CTNNA2: variants seen among roughly 807,000 people sequenced by gnomAD.
The protein encoded by CTNNA2 is catenin alpha 2.
A neutral mutation model predicts 101.0 loss-of-function variants in CTNNA2; 42 were observed. That is an observed-to-expected ratio of 0.42 (90% CI 0.32 to 0.54). The LOEUF (loss-of-function observed/expected upper bound fraction) is 0.54. Ranked by LOEUF, CTNNA2 falls within the 20% of genes least tolerant of loss-of-function variation. The pLI, the probability that CTNNA2 is intolerant of heterozygous loss-of-function variation, is 0.14. For synonymous variants in CTNNA2, 450 were observed against 456.4 expected, an observed-to-expected ratio of 0.99 and a Z score of 0.18; for missense variants, 871 against 1,223.1, an observed-to-expected ratio of 0.71 and a Z score of 4.29.
chr2:80,383,287 C>T (rs1280629991), intron 7 of CTNNA2, among the ~76,000 whole-genome samples: 4 of 152,116 alleles, frequency 2.6e-5, no homozygotes, highest in Non-Finnish European at 5.9e-5. Context: ...TTTAGGACTC[C>T]ATATTTTCCA....
At chr2:80,108,304 G>A (rs1292601281) in intron 7 of CTNNA2, among the ~76,000 whole-genome samples, 1 of 152,192 alleles carries the variant, frequency 6.6e-6, no homozygotes, top group Non-Finnish European at 1.5e-5. Flanking sequence ...TCCTTATGCA[G>A]CAAGTATGTA....
At chr2:80,048,384 A>G (rs2104317261) in intron 7 of CTNNA2, among the ~76,000 whole-genome samples, 1 of 152,340 alleles carries the variant, frequency 6.6e-6, no homozygotes, top group Admixed American at 6.5e-5. Flanking sequence ...TAGAAAGGAA[A>G]GTGCATTTAA....
intron 7 of CTNNA2, among the ~76,000 whole-genome samples, chr2:80,165,000 A>C (rs58479771): frequency 0.26 from 38,432 of 149,462 alleles, 7,662 homozygotes; most frequent in African/African-American, 0.55. Flanking sequence ...GGAAGTGTAA[A>C]AGTGGTGTGC....
chr2:80,459,758 T>G (rs1342607011), intron 9 of CTNNA2, among the ~76,000 whole-genome samples: 1 of 152,146 alleles, frequency 6.6e-6, no homozygotes, highest in African/African-American at 2.4e-5. Flanking sequence ...CATCAAAATC[T>G]GTCTTGGAGA....
intron 7 of CTNNA2, among the ~76,000 whole-genome samples, chr2:80,001,345 C>T (rs1229189340): frequency 6.6e-6 from 1 of 152,114 alleles, no homozygotes; most frequent in Non-Finnish European, 1.5e-5. Context: ...TCATGATATC[C>T]AGGCTTATCA....
intron 1 of CTNNA2, among the ~76,000 whole-genome samples, chr2:79,529,642 C>T (rs1016319062): frequency 1.1e-4 from 17 of 151,600 alleles, no homozygotes; most frequent in African/African-American, 4.1e-4. Flanking sequence ...AGAGAGGAAT[C>T]GTATGAGGGT....
intron 16 of CTNNA2, 91 bp downstream of exon 16, chr2:80,604,270 G>A (rs1252360144): frequency 8.6e-6 from 8 of 930,778 alleles, no homozygotes; most frequent in African/African-American, 6.6e-5. Flanking sequence ...CCTATAAAAT[G>A]CCTCTGAAGA....
chr2:80,133,224 C>T (rs1315102171), intron 7 of CTNNA2, among the ~76,000 whole-genome samples: 2 of 152,098 alleles, frequency 1.3e-5, no homozygotes, highest in African/African-American at 2.4e-5. Context: ...CAAGGAACAA[C>T]TGGGGCTACC....
intron 7 of CTNNA2, among the ~76,000 whole-genome samples, chr2:80,224,171 A>T (rs528260509): frequency 6.6e-6 from 1 of 152,240 alleles, no homozygotes; most frequent in Non-Finnish European, 1.5e-5. Context: ...ATACAGAAAG[A>T]AGGACACTCT....
At chr2:80,461,959 C>G (rs975420588) in intron 9 of CTNNA2, among the ~76,000 whole-genome samples, 9 of 152,202 alleles carry the variant, frequency 5.9e-5, no homozygotes, top group African/African-American at 1.9e-4. Context: ...GCTCAGCCCC[C>G]TGGGGATCTG....
intron 4 of CTNNA2, among the ~76,000 whole-genome samples, chr2:79,466,518 T>C (rs574981948): frequency 6.6e-6 from 1 of 152,254 alleles, no homozygotes; most frequent in Admixed American, 6.5e-5. Context: ...TCTGACAGCT[T>C]TGAAGAGAGT....
In CTNNA2 at chr2:79,834,837, T is replaced by C. The variant is rs528273126; in HGVS notation, c.299-23176T>C. The stretch of plus-strand genomic sequence containing the variant: ...GCTAAATGTTTAAAAATGTTGCTTT[T>C]ACATTTAAGTCTTTATCTTTGACTT... On this transcript the variant is annotated intron_variant, in intron 3 of 18. Coordinates refer to ENST00000402739, the MANE Select transcript of CTNNA2 (RefSeq NM_001282597.3). Among the ~76,000 whole-genome samples, 5 of 152,272 alleles carry C rather than the reference T, an allele frequency of 3.3e-5. No individual in the cohort carries two copies. The East Asian group carries it at 9.6e-4, about 29-fold the overall frequency.
At chr2:79,962,421 G>A (rs1290737603) in intron 7 of CTNNA2, among the ~76,000 whole-genome samples, 1 of 152,230 alleles carries the variant, frequency 6.6e-6, no homozygotes, top group African/African-American at 2.4e-5. Context: ...TGGGGATGAG[G>A]TTTTAACATA....
At chr2:79,729,455 G>C (rs937370336) in intron 2 of CTNNA2, among the ~76,000 whole-genome samples, 2 of 152,032 alleles carry the variant, frequency 1.3e-5, no homozygotes, top group Non-Finnish European at 2.9e-5. Flanking sequence ...CCCCTGACCC[G>C]TGCTGCTTCC....
chr2:79,589,088 C>T (rs553170288), intron 1 of CTNNA2, among the ~76,000 whole-genome samples: 1 of 152,314 alleles, frequency 6.6e-6, no homozygotes, highest in South Asian at 2.1e-4. Context: ...ATTAGCTGTA[C>T]ACTTTCACCT....
At chr2:79,518,196 T>A (rs1671906271) in intron 1 of CTNNA2, among the ~76,000 whole-genome samples, 1 of 152,236 alleles carries the variant, frequency 6.6e-6, no homozygotes, top group South Asian at 2.1e-4. Flanking sequence ...TTTTTCAGTA[T>A]GTTGCTACTT....
chr2:79,946,643 A>G (rs1450361236), intron 7 of CTNNA2, among the ~76,000 whole-genome samples: 2 of 152,212 alleles, frequency 1.3e-5, no homozygotes, highest in African/African-American at 2.4e-5. Context: ...AGGAAATCAT[A>G]TGAAAGAGGT....
At chr2:79,334,681 G>A (rs1294172944) in intron 3 of CTNNA2, among the ~76,000 whole-genome samples, 1 of 152,092 alleles carries the variant, frequency 6.6e-6, no homozygotes, top group Non-Finnish European at 1.5e-5. Flanking sequence ...GTGGTTATAT[G>A]TTTCATAGAG....
intron 7 of CTNNA2, among the ~76,000 whole-genome samples, chr2:79,937,905 T>C (rs58441687): frequency 0.053 from 8,008 of 152,302 alleles, 727 homozygotes; most frequent in African/African-American, 0.18. Context: ...TTTACTCTTG[T>C]AGACATTCCA....
Sources: allele counts gnomAD v4.1 joint callset (sites outside exome capture counted in the v4.1 genomes callset), GRCh38; gene constraint gnomAD v4.1.1; transcripts MANE v1.5; gene names NCBI Gene and HGNC (gene_info 2026-07-23, HGNC 2026-07-21).